FAT3: variants seen among roughly 807,000 people sequenced by gnomAD.
FAT3 encodes the protein FAT atypical cadherin 3, also known as protocadherin Fat 3.
Under a neutral mutation model 310.2 loss-of-function variants are expected in FAT3, and 95 were observed. The ratio of observed to expected loss-of-function variants is 0.31; its 90% confidence interval spans 0.26 to 0.36. The LOEUF (loss-of-function observed/expected upper bound fraction) is 0.36, where lower values mean the gene tolerates loss of function less well. Among genes scored for constraint, FAT3 ranks in the 10% least tolerant of loss-of-function variants. FAT3 has a pLI of 1.00. For synonymous variants in FAT3, 2,314 were observed against 2,192.9 expected (o/e 1.06, Z -1.54); for missense variants, 5,408 against 5,715.6 (o/e 0.95, Z 1.74).
chr11:92,579,325 A>G (rs934877575), intron 3 of FAT3, among the ~76,000 whole-genome samples: 2 of 152,132 alleles, frequency 1.3e-5, no homozygotes, highest in African/African-American at 4.8e-5. Flanking sequence ...ACTAGAGGAT[A>G]GAATGAAAAG....
At chr11:92,726,825 T>C (rs1197513868) in intron 4 of FAT3, among the ~76,000 whole-genome samples, 8 of 150,894 alleles carry the variant, frequency 5.3e-5, no homozygotes, top group Non-Finnish European at 1.0e-4. Context: ...GGCTGACAGA[T>C]TCAACATGAA....
chr11:92,619,742 T>C (rs1664851653), intron 3 of FAT3, among the ~76,000 whole-genome samples: 1 of 152,196 alleles, frequency 6.6e-6, no homozygotes, highest in East Asian at 1.9e-4. Flanking sequence ...TTGAGTCCCC[T>C]CTCTTCTTTT....
At chr11:92,765,155 A>AC (rs985470900) in intron 6 of FAT3, 66 bp downstream of exon 6, 23 of 1,348,624 alleles carry the variant, frequency 1.7e-5, no homozygotes, top group Non-Finnish European at 2.2e-5. Context: ...CTAGGAAAAA[A>AC]AAAAAAAAGA....
intron 2 of FAT3, among the ~76,000 whole-genome samples, chr11:92,450,165 G>T (rs945940335): frequency 3.3e-5 from 5 of 152,310 alleles, no homozygotes; most frequent in South Asian, 4.1e-4. Context: ...TGGCAGCCTC[G>T]TTGAGGTTTC....
intron 4 of FAT3, among the ~76,000 whole-genome samples, chr11:92,739,604 C>T (rs553252435): frequency 9.2e-5 from 14 of 152,234 alleles, no homozygotes; most frequent in African/African-American, 3.1e-4. Context: ...ATTAGAATCC[C>T]TGACATACTC....
intron 3 of FAT3, among the ~76,000 whole-genome samples, chr11:92,553,173 C>G (rs610994): frequency 0.39 from 59,329 of 151,912 alleles, 12,306 homozygotes; most frequent in Middle Eastern, 0.53. Flanking sequence ...AATAATGCTG[C>G]GAAAAATTAA....
intron 4 of FAT3, among the ~76,000 whole-genome samples, chr11:92,711,114 T>G (rs564100035): frequency 6.6e-6 from 1 of 152,190 alleles, no homozygotes; most frequent in Non-Finnish European, 1.5e-5. Flanking sequence ...AATTGATGAT[T>G]GTGTTTTAAA....
At chr11:92,654,628 C>A (rs1942512106) in intron 3 of FAT3, among the ~76,000 whole-genome samples, 1 of 152,176 alleles carries the variant, frequency 6.6e-6, no homozygotes, top group Admixed American at 6.5e-5. Flanking sequence ...TCCAAGGTGT[C>A]AGTAAGTCCT....
chr11:92,352,546 A>C lies in FAT3; in HGVS notation c.434A>C (p.Asn145Thr), dbSNP rs1948597205. Residue 145 changes from asparagine to threonine, a missense_variant, in exon 2 of 28, where the codon AAT becomes ACT. Around this residue, in one of 5 missense-constraint regions of FAT3, gnomAD observed 152 missense variants for 188.3 expected, o/e 0.81. Coordinates refer to ENST00000525166, the MANE Select transcript of FAT3 (RefSeq NM_001367949.2). ...GATTTGGAAGCATGGACCAAAGTGA[A>C]TATACAGGTTTTAGATATGAATGAT... ...GEDLEAWTKV[N>T]IQVLDMNDLR... is the part of the protein sequence containing the mutation. 3.1e-6 allele frequency: 5 copies of C among 1,613,754 alleles called. No homozygotes were observed. The highest frequency in any genetic ancestry group is 8.5e-7 in the Non-Finnish European group (1 of 1,179,828).
chr11:92,649,621 C>A (rs970729901), intron 3 of FAT3, among the ~76,000 whole-genome samples: 2 of 152,002 alleles, frequency 1.3e-5, no homozygotes, highest in African/African-American at 4.8e-5. Context: ...TGTGCCTCAG[C>A]GCTTTGTTAG....
rs1174099755 is a variant in FAT3 at position 92,540,739 on chromosome 11, GTTTTT to G, written c.3607+15792_3607+15796del. 6.6e-5 allele frequency among the ~76,000 whole-genome samples: 8 copies of G among 121,130 alleles called. No individual in the cohort carries two copies. The East Asian group carries it at 1.9e-3, about 28-fold the overall frequency. The allele number at this position is 121,130 out of a possible 152,430, so 79.5% of individuals were successfully genotyped here. On this transcript the variant is annotated intron_variant, in intron 3 of 27. Transcript: ENST00000525166. ...TGAGTCCTAAAGTGAACTATGGCAT[GTTTTT>G]GTTTTGTTTTGTTTTGTTTTGTTTT...
At chr11:92,766,530 T>C (rs938857146) in intron 6 of FAT3, 1 of 152,246 alleles carries the variant, frequency 6.6e-6, no homozygotes, top group Non-Finnish European at 1.5e-5. Flanking sequence ...CAAACCTCTA[T>C]AGAGAGTCCT....
chr11:92,458,465 G>A (rs1216795160), intron 2 of FAT3, among the ~76,000 whole-genome samples: 1 of 152,128 alleles, frequency 6.6e-6, no homozygotes, highest in African/African-American at 2.4e-5. Context: ...ACCCAGTAGG[G>A]AAGAATGTTC....
At chr11:92,316,514 T>C (rs1052953287) in intron 1 of FAT3, among the ~76,000 whole-genome samples, 1 of 152,232 alleles carries the variant, frequency 6.6e-6, no homozygotes, top group Non-Finnish European at 1.5e-5. Flanking sequence ...ACAAGTTGAA[T>C]TGGAGATGGA....
chr11:92,702,923 G>T (rs943146932), intron 4 of FAT3, among the ~76,000 whole-genome samples: 3 of 152,180 alleles, frequency 2.0e-5, no homozygotes, highest in Admixed American at 6.5e-5. Flanking sequence ...CAGTGGATGA[G>T]CAATTATGTC....
chr11:92,835,211 C>A, intron 15 of FAT3, 127 bp downstream of exon 15: 1 of 709,680 alleles, frequency 1.4e-6, no homozygotes. Context: ...CATTTGTCCC[C>A]AAGAATAGGA....
intron 3 of FAT3, among the ~76,000 whole-genome samples, chr11:92,647,701 T>C (rs1942216033): frequency 6.6e-6 from 1 of 152,104 alleles, no homozygotes; most frequent in Non-Finnish European, 1.5e-5. Flanking sequence ...GAGCTTATAG[T>C]TTTGCAACCA....
intron 4 of FAT3, among the ~76,000 whole-genome samples, chr11:92,707,063 T>G (rs1468604801): frequency 6.6e-6 from 1 of 152,170 alleles, no homozygotes; most frequent in Non-Finnish European, 1.5e-5. Flanking sequence ...AGGCAAACAC[T>G]TATATATATT....
intron 2 of FAT3, among the ~76,000 whole-genome samples, chr11:92,380,072 C>CGTGTGTGTGTGTGT (rs34789717): frequency 1.4e-5 from 2 of 145,208 alleles, no homozygotes; most frequent in Non-Finnish European, 3.0e-5. Flanking sequence ...CAAACTGATT[C>CGTGTGTGTGTGTGT]GTGTGTGTGT....
Sources: allele counts gnomAD v4.1 joint callset (sites outside exome capture counted in the v4.1 genomes callset), GRCh38; gene constraint gnomAD v4.1.1; regional missense constraint gnomAD v4.1.1; transcripts MANE v1.5; gene names NCBI Gene and HGNC (gene_info 2026-07-23, HGNC 2026-07-21).